Variants in OR2L13 observed in about 807,000 individuals in gnomAD.
The protein encoded by OR2L13 is olfactory receptor 2L13.
Under a neutral mutation model 15.3 loss-of-function variants are expected in OR2L13, and 14 were observed. That is an observed-to-expected ratio of 0.91 (90% CI 0.60 to 1.43). The LOEUF (loss-of-function observed/expected upper bound fraction) is 1.43. Among genes scored for constraint, OR2L13 ranks in the 40% most tolerant of loss-of-function variants. The pLI is 0.00. For synonymous variants in OR2L13, 152 were observed against 142.9 expected (o/e 1.06, Z -0.45); for missense variants, 367 against 387.9 (o/e 0.95, Z 0.45).
At chr1:247,975,500 A>G in the OR2L13 span, 3 of 954,686 alleles carry the variant, frequency 3.1e-6, no homozygotes, top group African/African-American at 3.2e-5. Context: ...ACCTATCTAT[A>G]TCCAAGATAC....
At chr1:247,982,221 T>G in the OR2L13 span, among the ~76,000 whole-genome samples, 3 of 152,194 alleles carry the variant, frequency 2.0e-5, no homozygotes, top group Admixed American at 2.0e-4. Flanking sequence ...CATAAATCTC[T>G]GAATTAGTGG....
the OR2L13 span, among the ~76,000 whole-genome samples, chr1:247,964,199 C>T: frequency 6.6e-6 from 1 of 152,132 alleles, no homozygotes; most frequent in East Asian, 1.9e-4. Context: ...TGACACATTC[C>T]TGTCTCTCAT....
the OR2L13 span, among the ~76,000 whole-genome samples, chr1:248,000,767 C>T: frequency 1.3e-5 from 2 of 151,838 alleles, no homozygotes; most frequent in Non-Finnish European, 2.9e-5. Flanking sequence ...AGATACATAA[C>T]TGTTGCCAGG....
At chr1:247,980,695 A>G in the OR2L13 span, among the ~76,000 whole-genome samples, 1 of 152,204 alleles carries the variant, frequency 6.6e-6, no homozygotes, top group Admixed American at 6.6e-5. Flanking sequence ...TCCCCGGTGA[A>G]TCCTAGCAAA....
At chr1:248,072,791 C>A in the OR2L13 span, among the ~76,000 whole-genome samples, 1 of 151,362 alleles carries the variant, frequency 6.6e-6, no homozygotes, top group Non-Finnish European at 1.5e-5. Context: ...AAAAAAAAAA[C>A]AACCCCATCA....
the OR2L13 span, among the ~76,000 whole-genome samples, chr1:247,940,761 C>T: frequency 6.5e-5 from 7 of 107,058 alleles, no homozygotes; most frequent in South Asian, 1.1e-3. Flanking sequence ...TGTGTGCGCG[C>T]GCTAAGCAAT....
chr1:247,948,101 T>C, the OR2L13 span, among the ~76,000 whole-genome samples: 2,321 of 152,158 alleles, frequency 0.015, 50 homozygotes, highest in African/African-American at 0.051. Context: ...TAGTCGCAGC[T>C]ACTCAGGAGG....
the OR2L13 span, chr1:248,039,024 C>T: frequency 2.5e-6 from 4 of 1,613,996 alleles, no homozygotes; most frequent in African/African-American, 4.0e-5. Context: ...CTACTATGCA[C>T]CCTTTGCTTA....
the OR2L13 span, among the ~76,000 whole-genome samples, chr1:247,994,849 C>G: frequency 6.6e-6 from 1 of 152,104 alleles, no homozygotes; most frequent in Non-Finnish European, 1.5e-5. Flanking sequence ...TGTTGTATAT[C>G]TTTAATAAAA....
At chr1:247,972,707 G>A in the OR2L13 span, among the ~76,000 whole-genome samples, 1 of 152,152 alleles carries the variant, frequency 6.6e-6, no homozygotes, top group South Asian at 2.1e-4. Context: ...ACAAAGAAGA[G>A]TTGGTACCAT....
At chr1:247,999,708 G>C in the OR2L13 span, among the ~76,000 whole-genome samples, 1 of 152,116 alleles carries the variant, frequency 6.6e-6, no homozygotes, top group Non-Finnish European at 1.5e-5. Flanking sequence ...ACACTCTTCT[G>C]TGTCATCTGA....
At chr1:248,024,490 A>C in the OR2L13 span, among the ~76,000 whole-genome samples, 1 of 152,186 alleles carries the variant, frequency 6.6e-6, no homozygotes, top group South Asian at 2.1e-4. Flanking sequence ...CTGTGTATCC[A>C]TTAAAAATCA....
At chr1:247,946,098 C>T in the OR2L13 span, among the ~76,000 whole-genome samples, 1 of 151,990 alleles carries the variant, frequency 6.6e-6, no homozygotes, top group African/African-American at 2.4e-5. Context: ...CTAAGTGTTT[C>T]ATTTCTTTTT....
chr1:247,939,406 A>G, the OR2L13 span: 3 of 152,296 alleles, frequency 2.0e-5, no homozygotes, highest in Admixed American at 2.0e-4. Context: ...GTCCATCCTC[A>G]TGATTGCAGT....
At chr1:248,099,777 C>T in exon 3 of OR2L13, 1 of 1,614,148 alleles carries the variant, frequency 6.2e-7, no homozygotes, top group Non-Finnish European at 8.5e-7. Flanking sequence ...ATCCTATCCG[C>T]ATGAGTAAAA....
chr1:248,080,444 G>A, the OR2L13 span, among the ~76,000 whole-genome samples: 42 of 151,608 alleles, frequency 2.8e-4, no homozygotes, highest in African/African-American at 9.9e-4. Context: ...CCACCTCAAA[G>A]AGGCCCCGGT....
chr1:248,058,678 A>G, the OR2L13 span, among the ~76,000 whole-genome samples: 1 of 124,792 alleles, frequency 8.0e-6, no homozygotes, highest in East Asian at 2.7e-4. Context: ...TTTCTCACTT[A>G]TTTTTGTGAA....
At chr1:248,077,468 G>A in the OR2L13 span, among the ~76,000 whole-genome samples, 1 of 152,146 alleles carries the variant, frequency 6.6e-6, no homozygotes, top group Non-Finnish European at 1.5e-5. Context: ...AATCTGTCTG[G>A]TCCTGGACTT....
chr1:247,969,195 TG>T, the OR2L13 span, among the ~76,000 whole-genome samples: 3 of 152,176 alleles, frequency 2.0e-5, no homozygotes, highest in African/African-American at 7.2e-5. Flanking sequence ...TGGGGTTGTT[TG>T]TTTTTTTCTT....
Sources: allele counts gnomAD v4.1 joint callset (sites outside exome capture counted in the v4.1 genomes callset), GRCh38; gene constraint gnomAD v4.1.1; transcripts MANE v1.5; gene names NCBI Gene and HGNC (gene_info 2026-07-23, HGNC 2026-07-21).